CPS1: variants seen among roughly 807,000 people sequenced by gnomAD.
CPS1 encodes the protein carbamoyl-phosphate synthase [ammonia], mitochondrial.
A neutral mutation model predicts 174.6 loss-of-function variants in CPS1; 109 were observed. The ratio of observed to expected loss-of-function variants is 0.62; its 90% confidence interval spans 0.53 to 0.73. The LOEUF is 0.73. CPS1 is among the 30% of genes least tolerant of loss of function. The pLI is 0.00. For missense variants in CPS1, 1,689 were observed against 1,821.9 expected, an observed-to-expected ratio of 0.93 and a Z score of 1.33; for synonymous variants, 637 against 632.0, an observed-to-expected ratio of 1.01 and a Z score of -0.12.
chr2:210,592,769 C>A, intron 10 of CPS1, 110 bp from the exon 11 acceptor site: 1 of 1,041,078 alleles, frequency 9.6e-7, no homozygotes, highest in Non-Finnish European at 1.5e-6. Flanking sequence ...TTTTGTTAAG[C>A]ATCTAACTCA....
intron 17 of CPS1, among the ~76,000 whole-genome samples, chr2:210,605,935 T>C (rs1698892417): frequency 6.6e-6 from 1 of 151,734 alleles, no homozygotes; most frequent in South Asian, 2.1e-4. Flanking sequence ...AGAGGAAGTA[T>C]TACTGTTGAA....
At chr2:210,616,578 T>TGAATTTTTA in intron 21 of CPS1, 37 bp downstream of exon 21, 2 of 1,222,262 alleles carry the variant, frequency 1.6e-6, no homozygotes, top group East Asian at 4.7e-5. Context: ...CCAGACACCT[T>TGAATTTTTA]CAGTGCAATT....
intron 25 of CPS1, among the ~76,000 whole-genome samples, chr2:210,647,135 G>A (rs1225662781): frequency 1.3e-5 from 2 of 152,052 alleles, no homozygotes; most frequent in African/African-American, 2.4e-5. Flanking sequence ...AAGGTGGAAG[G>A]TCATCAAAGT....
chr2:210,570,026 C>T (rs774225597), intron 1 of CPS1, among the ~76,000 whole-genome samples: 1 of 151,896 alleles, frequency 6.6e-6, no homozygotes, highest in Non-Finnish European at 1.5e-5. Flanking sequence ...ATTTGGGGAA[C>T]TGTTAGTTAG....
chr2:210,637,639 C>T (rs1246954661), intron 21 of CPS1, 63 bp from the exon 22 acceptor site: 2 of 1,567,062 alleles, frequency 1.3e-6, no homozygotes, highest in Non-Finnish European at 1.8e-6. Flanking sequence ...TGAAATTGAA[C>T]TTGTCACCGC....
At chr2:210,587,779 A>T (rs1225748560) in intron 6 of CPS1, among the ~76,000 whole-genome samples, 1 of 152,140 alleles carries the variant, frequency 6.6e-6, no homozygotes, top group Admixed American at 6.6e-5. Flanking sequence ...AAAGATGGTT[A>T]ACTATGCATG....
intron 21 of CPS1, among the ~76,000 whole-genome samples, chr2:210,626,915 T>G (rs1699715479): frequency 6.6e-6 from 1 of 152,230 alleles, no homozygotes; most frequent in African/African-American, 2.4e-5. Context: ...CACTATCCTA[T>G]TTTTATGGAT....
chr2:210,664,604 C>T (rs151187298), intron 33 of CPS1, among the ~76,000 whole-genome samples: 3,862 of 152,174 alleles, frequency 0.025, 87 homozygotes, highest in Admixed American at 0.045. Context: ...CATGAGCCAC[C>T]GCAGCCGGCC....
At position 210,660,673 on chromosome 2, in the gene CPS1, T is replaced by C. The variant is rs1297110972; in HGVS notation, c.3927+18T>C. Reference sequence around the variant, plus strand: ...CAATTAAGGTAACATTTTCAAAAATTTATTAGTCATTTTATGAGTTCTAGT... The same window carrying C: ...CAATTAAGGTAACATTTTCAAAAATCTATTAGTCATTTTATGAGTTCTAGT... On this transcript the variant is annotated intron_variant, in intron 32 of 37. Transcript: ENST00000233072. The C allele has an allele frequency of 6.2e-6, 10 of 1,608,086 alleles. No homozygotes were observed. In the Admixed American group the frequency reaches 1.7e-4, roughly 27 times the overall value.
chr2:210,526,204 G>A (rs1695968251), intron 1 of CPS1, among the ~76,000 whole-genome samples: 1 of 151,852 alleles, frequency 6.6e-6, no homozygotes, highest in African/African-American at 2.4e-5. Flanking sequence ...GACACAGGGA[G>A]GGGAACATCT....
intron 1 of CPS1, among the ~76,000 whole-genome samples, chr2:210,506,832 G>T (rs1036353344): frequency 6.6e-6 from 1 of 152,110 alleles, no homozygotes; most frequent in Admixed American, 6.5e-5. Context: ...AGAGAAAAAA[G>T]AATAAAAAGA....
chr2:210,602,865 A>T (rs1312117349), intron 16 of CPS1, among the ~76,000 whole-genome samples: 1 of 151,940 alleles, frequency 6.6e-6, no homozygotes, highest in East Asian at 2.0e-4. Flanking sequence ...ACTGAACTCC[A>T]CCAACTGCCA....
chr2:210,615,810 A>AT (rs1699286195), intron 20 of CPS1, among the ~76,000 whole-genome samples: 2 of 152,056 alleles, frequency 1.3e-5, no homozygotes, highest in African/African-American at 4.8e-5. Flanking sequence ...ATATATTAGG[A>AT]TTTTAAAAAA....
chr2:210,672,992 G>A (rs1701363901), intron 34 of CPS1: 1 of 152,094 alleles, frequency 6.6e-6, no homozygotes, highest in Non-Finnish European at 1.5e-5. Context: ...GGGTGTTATG[G>A]GCTAAACATT....
intron 9 of CPS1, among the ~76,000 whole-genome samples, chr2:210,591,313 G>A (rs1315673030): frequency 6.6e-6 from 1 of 151,970 alleles, no homozygotes; most frequent in Admixed American, 6.6e-5. Context: ...AAGAAGGTAA[G>A]TGTGACTTAA....
At chr2:210,534,102 G>A (rs1696186464) in intron 1 of CPS1, among the ~76,000 whole-genome samples, 1 of 152,208 alleles carries the variant, frequency 6.6e-6, no homozygotes, top group South Asian at 2.1e-4. Context: ...ATTCTGATGA[G>A]TTAGCACTCT....
chr2:210,528,784 G>C (rs1339327208), intron 1 of CPS1, among the ~76,000 whole-genome samples: 1 of 148,372 alleles, frequency 6.7e-6, no homozygotes, highest in Non-Finnish European at 1.5e-5. Context: ...ATTTGAAATA[G>C]AGTACAGTTA....
chr2:210,516,535 A>G (rs1553503261), intron 1 of CPS1, among the ~76,000 whole-genome samples: 1 of 151,462 alleles, frequency 6.6e-6, no homozygotes, highest in Non-Finnish European at 1.5e-5. Flanking sequence ...TGCTTTGGTG[A>G]TTTTTCTAAC....
intron 1 of CPS1, among the ~76,000 whole-genome samples, chr2:210,524,466 C>T (rs1016747506): frequency 4.6e-5 from 7 of 151,898 alleles, no homozygotes; most frequent in Middle Eastern, 6.8e-3. Context: ...GAGCTTATAC[C>T]GAAATAATGC....
Sources: gnomAD v4.1 joint callset for allele counts (sites outside exome capture counted in the v4.1 genomes callset) on GRCh38, gnomAD v4.1.1 for gene constraint, MANE v1.5 for transcripts, NCBI Gene and HGNC (gene_info 2026-07-23, HGNC 2026-07-21) for gene names.